PLCL2: variants seen among roughly 807,000 people sequenced by gnomAD.
The protein encoded by PLCL2 is phospholipase C like 2.
In PLCL2, 4 loss-of-function variants were observed where a neutral mutation model predicts 79.6. The ratio of observed to expected loss-of-function variants is 0.05; its 90% CI spans 0.02 to 0.11. The LOEUF (loss-of-function observed/expected upper bound fraction) is 0.11. Ranked by LOEUF, PLCL2 falls within the 10% of genes least tolerant of loss-of-function variation. The probability of loss-of-function intolerance (pLI) is 1.00; values close to 1 mark genes in which losing one functional copy is unlikely to be tolerated. For synonymous variants in PLCL2, 484 were observed against 457.7 expected, an observed-to-expected ratio of 1.06 and a Z score of -0.73; for missense variants, 895 against 1,291.0, an observed-to-expected ratio of 0.69 and a Z score of 4.70.
chr3:16,930,332 C>G (rs1304796089), intron 1 of PLCL2, among the ~76,000 whole-genome samples: 1 of 152,140 alleles, frequency 6.6e-6, no homozygotes. Context: ...TTCATAAATA[C>G]TTGTGGCTGA....
chr3:16,962,302 T>G (rs1226936563), intron 1 of PLCL2, among the ~76,000 whole-genome samples: 1 of 152,124 alleles, frequency 6.6e-6, no homozygotes, highest in African/African-American at 2.4e-5. Flanking sequence ...TAACTTCTGG[T>G]CAGTACAAGA....
At chr3:17,063,260 CCCTT>C (rs1559536630) in intron 4 of PLCL2, among the ~76,000 whole-genome samples, 2 of 27,354 alleles carry the variant, frequency 7.3e-5, no homozygotes, top group Admixed American at 3.1e-4. Context: ...CTCCCTTCCT[CCCTT>C]CCTCCCTTCC....
chr3:16,909,832 T>A (rs1382814482), intron 1 of PLCL2, among the ~76,000 whole-genome samples: 1 of 152,180 alleles, frequency 6.6e-6, no homozygotes, highest in African/African-American at 2.4e-5. Flanking sequence ...ATCGGGATGG[T>A]TTCTTCCTAC....
At chr3:17,021,206 T>C (rs2064447965) in intron 3 of PLCL2, among the ~76,000 whole-genome samples, 1 of 152,152 alleles carries the variant, frequency 6.6e-6, no homozygotes, top group African/African-American at 2.4e-5. Context: ...GAAAGGTAGA[T>C]GCATCCTACA....
chr3:16,954,403 C>T (rs1287386966), intron 1 of PLCL2, among the ~76,000 whole-genome samples: 1 of 152,130 alleles, frequency 6.6e-6, no homozygotes. Flanking sequence ...ATATGTGCCA[C>T]ATTTTCTTAA....
rs777160871 is a variant in PLCL2 at position 16,902,826 on chromosome 3, C to CAA, written c.327+17478_327+17479dup. 1.9e-3 allele frequency among the ~76,000 whole-genome samples: 138 copies of CAA among 73,658 alleles called. 4 individuals are homozygous for CAA. Among genetic ancestry groups the CAA allele is most frequent in the Middle Eastern group, 0.011 (1 of 92 alleles). The allele number at this position is 73,658 out of a possible 152,430, so 48.3% of individuals were successfully genotyped here. On this transcript the variant is annotated intron_variant, in intron 1 of 5. Coordinates refer to ENST00000615277, the MANE Select transcript of PLCL2 (RefSeq NM_001144382.2). ...TGGTAAACAGAGCTACACTCCATCT[C>CAA]AAAAAAAAAAAAAAAAAAATGCAGT...
At chr3:16,971,076 A>G (rs2063860515) in intron 1 of PLCL2, among the ~76,000 whole-genome samples, 2 of 151,330 alleles carry the variant, frequency 1.3e-5, no homozygotes, top group African/African-American at 4.9e-5. Flanking sequence ...ATTAGATCCC[A>G]TTTGTCAATT....
chr3:16,916,895 T>C (rs1258903395), intron 1 of PLCL2, among the ~76,000 whole-genome samples: 3 of 152,166 alleles, frequency 2.0e-5, no homozygotes, highest in Non-Finnish European at 4.4e-5. Context: ...CCATGTGTCA[T>C]CCTGTACCTC....
chr3:17,054,779 C>T (rs760113285), intron 4 of PLCL2, among the ~76,000 whole-genome samples: 5 of 152,134 alleles, frequency 3.3e-5, no homozygotes, highest in South Asian at 2.1e-4. Context: ...AGATCCAAAT[C>T]GTATCAGTTC....
At chr3:17,026,991 C>A (rs1465738144) in intron 3 of PLCL2, among the ~76,000 whole-genome samples, 1 of 151,960 alleles carries the variant, frequency 6.6e-6, no homozygotes, top group Non-Finnish European at 1.5e-5. Flanking sequence ...TGGGATGGTA[C>A]GAATTTTAAG....
chr3:17,035,753 A>G lies in PLCL2; in HGVS notation c.3019-7121A>G, dbSNP rs369684212. The G allele has an allele frequency of 1.2e-5, 6 of 516,280 alleles. 1 individual carries two copies. The highest frequency in any genetic ancestry group is 1.4e-5 in the South Asian group (1 of 71,320). 32.0% of individuals were successfully genotyped at this position (516,280 alleles called of 1,614,324 possible). A position where few individuals can be genotyped will look rare whatever the true frequency, so the allele number is the denominator to read the frequency against. ...TCTGGCCCTCACTCCTCTTCTATCC[A>G]TGTTTCCTTACATTCTCTAATACGA... On this transcript the variant is annotated intron_variant, in intron 3 of 5. Transcript: ENST00000615277.
intron 3 of PLCL2, among the ~76,000 whole-genome samples, chr3:17,037,045 C>T (rs988662528): frequency 6.6e-6 from 1 of 152,298 alleles, no homozygotes; most frequent in Middle Eastern, 3.4e-3. Flanking sequence ...ACATTTAAAC[C>T]ATAACAGAGG....
At chr3:17,014,661 T>C in intron 2 of PLCL2, 47 bp from the exon 3 acceptor site, 2 of 1,426,334 alleles carry the variant, frequency 1.4e-6, no homozygotes, top group Non-Finnish European at 2.0e-6. Flanking sequence ...CATGAGAAAG[T>C]AAAACCCCCA....
At chr3:16,936,698 A>G (rs1203738991) in intron 1 of PLCL2, among the ~76,000 whole-genome samples, 8 of 152,236 alleles carry the variant, frequency 5.3e-5, no homozygotes, top group South Asian at 2.1e-4. Flanking sequence ...GATATTAACT[A>G]TGAAAATAAT....
At chr3:16,927,548 G>A (rs1267730500) in intron 1 of PLCL2, among the ~76,000 whole-genome samples, 3 of 152,204 alleles carry the variant, frequency 2.0e-5, no homozygotes, top group Admixed American at 6.5e-5. Flanking sequence ...AGAAGTTTAA[G>A]AGCTGGAAGG....
At chr3:17,077,572 T>C (rs2065120083) in intron 5 of PLCL2, among the ~76,000 whole-genome samples, 1 of 152,264 alleles carries the variant, frequency 6.6e-6, no homozygotes, top group South Asian at 2.1e-4. Flanking sequence ...CAAGACTTCC[T>C]CTACCTTTAT....
At chr3:17,087,252 A>G (rs1361301306) in intron 5 of PLCL2, among the ~76,000 whole-genome samples, 1 of 152,252 alleles carries the variant, frequency 6.6e-6, no homozygotes, top group Non-Finnish European at 1.5e-5. Context: ...TTTGGAAGCA[A>G]CATAGATGTC....
At chr3:17,050,406 T>A (rs981475081) in intron 4 of PLCL2, among the ~76,000 whole-genome samples, 5 of 152,068 alleles carry the variant, frequency 3.3e-5, no homozygotes, top group Non-Finnish European at 5.9e-5. Context: ...GGACAAGGAA[T>A]TAATAACCCG....
chr3:16,912,028 T>C (rs1696893444), intron 1 of PLCL2, among the ~76,000 whole-genome samples: 1 of 152,202 alleles, frequency 6.6e-6, no homozygotes, highest in African/African-American at 2.4e-5. Flanking sequence ...AGATGTCTCA[T>C]TAGGTATATG....
Sources: allele counts gnomAD v4.1 joint callset (sites outside exome capture counted in the v4.1 genomes callset), GRCh38; gene constraint gnomAD v4.1.1; transcripts MANE v1.5; gene names NCBI Gene and HGNC (gene_info 2026-07-23, HGNC 2026-07-21).